The following MAD1L1 variants were observed in gnomAD, a reference collection of about 807,000 sequenced individuals.
The protein encoded by MAD1L1 is mitotic arrest deficient 1 like 1.
In MAD1L1, 95 loss-of-function variants were observed where a neutral mutation model predicts 96.9. The ratio of observed to expected loss-of-function variants is 0.98; its 90% CI spans 0.83 to 1.16. The LOEUF (loss-of-function observed/expected upper bound fraction) is 1.16. MAD1L1 is among the 50% of genes most tolerant of loss of function. The pLI, the probability that MAD1L1 is intolerant of heterozygous loss-of-function variation, is 0.00. For synonymous variants in MAD1L1, 473 were observed against 396.6 expected (o/e 1.19, Z -2.29); for missense variants, 1,007 against 954.4 (o/e 1.06, Z -0.73).
chr7:2,217,536 G>C (rs35629140), intron 7 of MAD1L1, among the ~76,000 whole-genome samples: 41,369 of 152,198 alleles, frequency 0.27, 7,037 homozygotes, highest in East Asian at 0.51. Flanking sequence ...AGGCAGGAGA[G>C]GGATCTGGAG....
intron 11 of MAD1L1, among the ~76,000 whole-genome samples, chr7:2,099,561 C>G (rs1231419971): frequency 6.6e-6 from 1 of 152,226 alleles, no homozygotes; most frequent in East Asian, 1.9e-4. Context: ...GTACTAACAA[C>G]CCGCCACCCA....
At chr7:2,091,057 A>T (rs886248496) in intron 11 of MAD1L1, among the ~76,000 whole-genome samples, 2 of 151,732 alleles carry the variant, frequency 1.3e-5, no homozygotes, top group Non-Finnish European at 2.9e-5. Flanking sequence ...ACTCCACTTC[A>T]TTTTCTTGCT....
chr7:1,866,514 C>G (rs949150516), intron 18 of MAD1L1, among the ~76,000 whole-genome samples: 5 of 152,176 alleles, frequency 3.3e-5, no homozygotes, highest in Non-Finnish European at 7.3e-5. Context: ...GGGGCAGAGA[C>G]ACGAGGGTGC....
intron 18 of MAD1L1, among the ~76,000 whole-genome samples, chr7:1,864,112 G>C (rs1784659968): frequency 6.6e-6 from 1 of 152,208 alleles, no homozygotes; most frequent in Non-Finnish European, 1.5e-5. Context: ...GGATGGGGAC[G>C]GGGCGGCCCT....
intron 15 of MAD1L1, among the ~76,000 whole-genome samples, chr7:1,972,604 A>ATT (rs55656816): frequency 1.5e-4 from 23 of 151,842 alleles, no homozygotes; most frequent in South Asian, 1.0e-3. Flanking sequence ...ATTTTATTGA[A>ATT]TTTTTTTTCC....
chr7:1,887,995 G>A (rs980062248), intron 18 of MAD1L1, among the ~76,000 whole-genome samples: 15 of 140,162 alleles, frequency 1.1e-4, no homozygotes, highest in Admixed American at 7.4e-5. Context: ...ATGCATGTGT[G>A]TATATGGCTG....
At chr7:1,871,214 A>ATATG in intron 18 of MAD1L1, among the ~76,000 whole-genome samples, 1 of 122,714 alleles carries the variant, frequency 8.1e-6, no homozygotes, top group South Asian at 2.9e-4. Flanking sequence ...CCACCGTAAC[A>ATATG]CCTGCCACGC....
At chr7:2,042,392 C>T (rs1388049011) in intron 12 of MAD1L1, among the ~76,000 whole-genome samples, 1 of 152,232 alleles carries the variant, frequency 6.6e-6, no homozygotes, top group Non-Finnish European at 1.5e-5. Flanking sequence ...GCATTCCTAA[C>T]TGCCACCACC....
chr7:1,895,503 ATACTT>A (rs1433275088), intron 18 of MAD1L1, among the ~76,000 whole-genome samples: 1 of 152,232 alleles, frequency 6.6e-6, no homozygotes, highest in Non-Finnish European at 1.5e-5. Context: ...AAGCCCTTCC[ATACTT>A]TACTTAATCT....
Position 2,113,408 on chromosome 7 carries a change from C to T in MAD1L1, c.1073+35744G>A, listed in dbSNP as rs1167024693. 2.6e-5 allele frequency among the ~76,000 whole-genome samples: 4 copies of T among 152,048 alleles called. 1 individual carries two copies. Among genetic ancestry groups the T allele is most frequent in the South Asian group, 4.2e-4 (2 of 4,812 alleles). On this transcript the variant is annotated intron_variant, in intron 11 of 18. Transcript: ENST00000265854. ...CAGCCCGACTAACATGGCGAAACCCCCTCTCTACTAAAAATACAAAAATTA... is the reference window on the plus strand; with the variant it reads ...CAGCCCGACTAACATGGCGAAACCCTCTCTCTACTAAAAATACAAAAATTA...
At chr7:2,091,409 T>C (rs980326326) in intron 11 of MAD1L1, among the ~76,000 whole-genome samples, 1 of 152,224 alleles carries the variant, frequency 6.6e-6, no homozygotes, top group Non-Finnish European at 1.5e-5. Flanking sequence ...TCTGTCTACT[T>C]GTGTTGAGCC....
intron 10 of MAD1L1, among the ~76,000 whole-genome samples, chr7:2,179,079 G>C (rs1791071177): frequency 6.6e-6 from 1 of 152,136 alleles, no homozygotes; most frequent in Non-Finnish European, 1.5e-5. Flanking sequence ...AAAACGGTCA[G>C]AATCAGATTT....
At chr7:1,939,359 G>A (rs749359710) in intron 16 of MAD1L1, among the ~76,000 whole-genome samples, 8 of 149,504 alleles carry the variant, frequency 5.4e-5, no homozygotes, top group East Asian at 4.0e-4. Flanking sequence ...TGGAGCCAGC[G>A]GCGCACACAC....
At chr7:2,029,612 T>C (rs540797535) in intron 12 of MAD1L1, among the ~76,000 whole-genome samples, 1 of 152,150 alleles carries the variant, frequency 6.6e-6, no homozygotes, top group Admixed American at 6.5e-5. Flanking sequence ...TTTGAAGAGC[T>C]TGGCTGTGGT....
intron 11 of MAD1L1, among the ~76,000 whole-genome samples, chr7:2,145,666 T>C (rs1334570660): frequency 6.6e-6 from 1 of 152,164 alleles, no homozygotes; most frequent in Non-Finnish European, 1.5e-5. Context: ...CACTGCGGGA[T>C]GATCTGTTTC....
At chr7:1,863,233 G>A (rs1426068565) in intron 18 of MAD1L1, among the ~76,000 whole-genome samples, 4 of 152,282 alleles carry the variant, frequency 2.6e-5, no homozygotes, top group Admixed American at 2.6e-4. Flanking sequence ...GGAGCCCAGG[G>A]CGGGGTGAAT....
chr7:2,221,161 C>T (rs945318724), intron 5 of MAD1L1: 13 of 738,668 alleles, frequency 1.8e-5, no homozygotes, highest in Middle Eastern at 3.7e-4. Flanking sequence ...CCCCACCCCA[C>T]CGGGCACCGC....
At chr7:2,083,680 C>G (rs1785768205) in intron 11 of MAD1L1, among the ~76,000 whole-genome samples, 1 of 152,238 alleles carries the variant, frequency 6.6e-6, no homozygotes, top group Non-Finnish European at 1.5e-5. Context: ...CCTGGGAGAC[C>G]TGGGTTGAAA....
chr7:2,120,424 T>C lies in MAD1L1; in HGVS notation c.1073+28728A>G, dbSNP rs569656529. ...AAGCCTAGGACTGGCCGCCACACCC[T>C]GGAGAGCCTGGGGGCGCAGCCTTGG... is the stretch of plus-strand genomic sequence containing the variant. On this transcript the variant is annotated intron_variant, in intron 11 of 18. Coordinates refer to ENST00000265854, the MANE Select transcript of MAD1L1 (RefSeq NM_001013836.2). Among the ~76,000 whole-genome samples the C allele has an allele frequency of 2.6e-4, 40 of 152,322 alleles. No individual in the cohort carries two copies. The East Asian group carries it at 7.1e-3, about 27-fold the overall frequency.
Sources: gnomAD v4.1 joint callset for allele counts (sites outside exome capture counted in the v4.1 genomes callset) on GRCh38, gnomAD v4.1.1 for gene constraint, MANE v1.5 for transcripts, NCBI Gene and HGNC (gene_info 2026-07-23, HGNC 2026-07-21) for gene names.